The following SERPINA12 variants were observed in gnomAD, a reference collection of about 807,000 sequenced individuals.
The protein encoded by SERPINA12 is serpin A12.
SERPINA12 carries 21 observed loss-of-function variants against 25.9 expected under a neutral mutation model. The observed-to-expected ratio is 0.81, with a 90% confidence interval of 0.58 to 1.17. The LOEUF (loss-of-function observed/expected upper bound fraction) is 1.17. Ranked by LOEUF, SERPINA12 falls within the 50% of genes most tolerant of loss-of-function variation. The pLI is 0.00. For synonymous variants in SERPINA12, 220 were observed against 196.0 expected (o/e 1.12, Z -1.02); for missense variants, 562 against 508.3 (o/e 1.11, Z -1.02).
intron 3 of SERPINA12, among the ~76,000 whole-genome samples, chr14:94,491,628 G>A (rs1900183349): frequency 6.6e-6 from 1 of 152,082 alleles, no homozygotes; most frequent in African/African-American, 2.4e-5. Flanking sequence ...GTTTGCTGTA[G>A]GCTAAAGGAG....
At chr14:94,514,249 G>A (rs548272527), upstream of SERPINA12, among the ~76,000 whole-genome samples, 8 of 152,332 alleles carry the variant, frequency 5.3e-5, no homozygotes, top group East Asian at 1.9e-4. Flanking sequence ...TGATGACAGA[G>A]ACGGTTGTTT....
upstream of SERPINA12, among the ~76,000 whole-genome samples, chr14:94,513,783 C>T (rs1901165427): frequency 6.6e-6 from 1 of 152,202 alleles, no homozygotes; most frequent in African/African-American, 2.4e-5. Context: ...AAAACCTAAA[C>T]ACCATACAAC....
chr14:94,498,125 C>T lies in SERPINA12; in HGVS notation c.273G>A (p.Gln91=). 1 of 1,614,092 alleles carries T rather than the reference C, an allele frequency of 6.2e-7. No homozygotes were observed. The highest frequency in any genetic ancestry group is 8.5e-7 in the Non-Finnish European group (1 of 1,180,012). The part of the protein sequence containing the change: ...TAFSMLCLGA[Q]DSTLDEIKQG... The stretch of plus-strand genomic sequence containing the variant: ...GCTTGATCTCGTCCAGGGTGCTGTC[C>T]TGGGCACCCAGGCACAGCATGGAGA... The change falls in exon 2 of 5, where the codon CAG becomes CAA. Residue 91 remains glutamine (Q), a synonymous_variant. Transcript: ENST00000677451.
At position 94,487,345 on chromosome 14, in the gene SERPINA12, G is replaced by A. The variant is rs1214929580; in HGVS notation, c.1203C>T (p.Ser401=). The A allele has an allele frequency of 1.7e-5, 28 of 1,613,948 alleles. 1 individual carries two copies. In the Admixed American group the frequency reaches 4.2e-4, roughly 24 times the overall value. Residue 401 remains serine (S), a synonymous_variant, in exon 5 of 5, where the codon TCC becomes TCT. Coordinates refer to ENST00000677451, the MANE Select transcript of SERPINA12 (RefSeq NM_001382267.1). ...TAACAATCTTTCCCAGGAAGAGCAC[G>A]GAAGGTATTTTCTCGCTGTAAATCA... ...LLLIYSEKIP[S]VLFLGKIVNP...
Position 94,506,651 on chromosome 14 carries a change from A to G in SERPINA12, c.-34+2691T>C, listed in dbSNP as rs571484604. Among the ~76,000 whole-genome samples the G allele has an allele frequency of 1.5e-3, 228 of 152,310 alleles. 1 individual carries two copies. The highest frequency in any genetic ancestry group is 2.3e-3 in the Non-Finnish European group (158 of 68,020). ...GTTCTTTAATTGCAAAATGGGAATAACCTATTTCTAAAGCAGTTGTTTCCA... is the reference window on the plus strand; with the variant it reads ...GTTCTTTAATTGCAAAATGGGAATAGCCTATTTCTAAAGCAGTTGTTTCCA... On this transcript the variant is annotated intron_variant, in intron 1 of 4. Coordinates refer to ENST00000677451, the MANE Select transcript of SERPINA12 (RefSeq NM_001382267.1).
intron 1 of SERPINA12, among the ~76,000 whole-genome samples, chr14:94,507,340 T>C (rs1243461480): frequency 6.6e-6 from 1 of 152,196 alleles, no homozygotes; most frequent in Non-Finnish European, 1.5e-5. Flanking sequence ...GTATTAACCA[T>C]TTTTACAAAA....
chr14:94,500,316 T>G (rs187282420), intron 1 of SERPINA12, among the ~76,000 whole-genome samples: 4 of 152,296 alleles, frequency 2.6e-5, no homozygotes, highest in Non-Finnish European at 5.9e-5. Context: ...CTCCTCGCCT[T>G]CTTCTCCTCT....
chr14:94,489,484 G>C, intron 4 of SERPINA12, 136 bp downstream of exon 4: 1 of 944,338 alleles, frequency 1.1e-6, no homozygotes, highest in East Asian at 2.6e-5. Context: ...TTGGTAAGGG[G>C]CACAGCTGCA....
At chr14:94,513,761 G>A (rs1447357013), upstream of SERPINA12, among the ~76,000 whole-genome samples, 1 of 152,150 alleles carries the variant, frequency 6.6e-6, no homozygotes, top group Non-Finnish European at 1.5e-5. Context: ...TGAAATCTGC[G>A]GTGTTGGGAT....
upstream of SERPINA12, chr14:94,511,753 C>CA (rs1901116934): frequency 1.0e-6 from 1 of 978,236 alleles, no homozygotes; most frequent in South Asian, 4.7e-5. Context: ...TACCAGGCAG[C>CA]AAGCCAGGTG....
At chr14:94,507,029 C>T (rs766071057) in intron 1 of SERPINA12, among the ~76,000 whole-genome samples, 27 of 152,174 alleles carry the variant, frequency 1.8e-4, no homozygotes, top group Non-Finnish European at 8.8e-5. Flanking sequence ...ACAAGGGCAT[C>T]GCTACAGTTC....
At chr14:94,508,306 TTACCCTAAAAAGCTTC>T (rs1334812320) in intron 1 of SERPINA12, among the ~76,000 whole-genome samples, 3 of 152,238 alleles carry the variant, frequency 2.0e-5, no homozygotes, top group Admixed American at 6.5e-5. Flanking sequence ...AGATCCTAGG[TTACCCTAAAAAGCTTC>T]TAGTACAAAA....
intron 1 of SERPINA12, among the ~76,000 whole-genome samples, chr14:94,498,826 C>CA (rs1322045093): frequency 6.6e-6 from 1 of 152,112 alleles, no homozygotes; most frequent in Non-Finnish European, 1.5e-5. Context: ...GAGTGTGGAC[C>CA]AAAATCAGAC....
intron 2 of SERPINA12, among the ~76,000 whole-genome samples, 200 bp from the exon 3 acceptor site, chr14:94,496,843 A>T (rs1900448844): frequency 1.3e-5 from 2 of 152,314 alleles, no homozygotes; most frequent in Admixed American, 1.3e-4. Context: ...TTCCCAAAGA[A>T]GCCAGGACTA....
In SERPINA12 at chr14:94,501,252, G is replaced by A. The variant is rs976760580; in HGVS notation, c.-33-2822C>T. On this transcript the variant is annotated intron_variant, in intron 1 of 4. Transcript: ENST00000677451. ...AGTGGGCGCAAGTTCCCAGTGCCTA[G>A]GAGTGGAGAAGTTAAGACATGTCCC... The A allele has an allele frequency of 2.7e-5, 20 of 741,564 alleles. No individual in the cohort carries two copies. In the East Asian group the frequency reaches 3.9e-4, roughly 15 times the overall value. 45.9% of individuals were successfully genotyped at this position (741,564 alleles called of 1,614,324 possible).
intron 1 of SERPINA12, chr14:94,503,359 A>G (rs1951007): frequency 0.25 from 241,391 of 979,152 alleles, 30,688 homozygotes; most frequent in African/African-American, 0.41. Flanking sequence ...TTCTGCCTTC[A>G]TTCCTTAAGA....
At chr14:94,489,556 C>G (rs774291733) in intron 4 of SERPINA12, 64 bp downstream of exon 4, 25 of 1,566,252 alleles carry the variant, frequency 1.6e-5, no homozygotes, top group Non-Finnish European at 2.2e-5. Context: ...GACCCTGGCT[C>G]TGGCCCCGGC....
At chr14:94,507,397 T>G (rs1900968456) in intron 1 of SERPINA12, among the ~76,000 whole-genome samples, 1 of 152,208 alleles carries the variant, frequency 6.6e-6, no homozygotes, top group Non-Finnish European at 1.5e-5. Context: ...TCCTCTAAAA[T>G]TACCTAGGAC....
chr14:94,513,553 T>C (rs957732169), upstream of SERPINA12, among the ~76,000 whole-genome samples: 1 of 152,132 alleles, frequency 6.6e-6, no homozygotes, highest in Non-Finnish European at 1.5e-5. Context: ...CCCATAAAAC[T>C]GAGGAAATGT....
Sources: allele counts gnomAD v4.1 joint callset (sites outside exome capture counted in the v4.1 genomes callset), GRCh38; gene constraint gnomAD v4.1.1; transcripts MANE v1.5; gene names NCBI Gene and HGNC (gene_info 2026-07-23, HGNC 2026-07-21).